The following AMOTL1 variants were observed in gnomAD, a reference collection of about 807,000 sequenced individuals.
AMOTL1 encodes the protein angiomotin-like protein 1.
AMOTL1 carries 45 observed loss-of-function variants against 102.9 expected under a neutral mutation model. The observed-to-expected ratio is 0.44, with a 90% CI of 0.34 to 0.56. AMOTL1 has a LOEUF of 0.56. Among genes scored for constraint, AMOTL1 ranks in the 20% least tolerant of loss-of-function variants. The pLI is 0.01. For missense variants in AMOTL1, 1,114 were observed against 1,225.6 expected, an observed-to-expected ratio of 0.91 and a Z score of 1.36; for synonymous variants, 481 against 484.7, an observed-to-expected ratio of 0.99 and a Z score of 0.10.
chr11:94,852,262 C>T (rs900184907), intron 7 of AMOTL1, among the ~76,000 whole-genome samples: 3 of 152,220 alleles, frequency 2.0e-5, no homozygotes, highest in Non-Finnish European at 2.9e-5. Context: ...AAGTTGCTCT[C>T]TCCTCCTTGA....
intron 4 of AMOTL1, among the ~76,000 whole-genome samples, chr11:94,829,050 G>T (rs1312310674): frequency 6.6e-6 from 1 of 152,130 alleles, no homozygotes; most frequent in East Asian, 1.9e-4. Flanking sequence ...TGTTAGAATA[G>T]AGCTATTTGT....
intron 1 of AMOTL1, among the ~76,000 whole-genome samples, chr11:94,721,021 A>G (rs1950167352): frequency 6.6e-6 from 1 of 152,136 alleles, no homozygotes; most frequent in African/African-American, 2.4e-5. Flanking sequence ...GCTAAGGGGA[A>G]ACCTGTTGAG....
At chr11:94,779,386 A>C (rs1240143982) in intron 1 of AMOTL1, among the ~76,000 whole-genome samples, 1 of 152,178 alleles carries the variant, frequency 6.6e-6, no homozygotes, top group Non-Finnish European at 1.5e-5. Context: ...GTGTTGTTTG[A>C]ATCAGGAGTG....
chr11:94,709,213 C>T (rs1346492100), intron 1 of AMOTL1, among the ~76,000 whole-genome samples: 1 of 152,106 alleles, frequency 6.6e-6, no homozygotes, highest in Non-Finnish European at 1.5e-5. Flanking sequence ...ACTTGGTTGA[C>T]CAATAGAAAG....
chr11:94,870,923 CAT>C lies in AMOTL1; in HGVS notation c.*130_*131del. 1 of 653,394 alleles carries C rather than the reference CAT, an allele frequency of 1.5e-6. No homozygotes were observed. Among genetic ancestry groups the C allele is most frequent in the Admixed American group, 3.1e-5 (1 of 32,196 alleles). 40.5% of individuals were successfully genotyped at this position (653,394 alleles called of 1,614,324 possible). A position where few individuals can be genotyped will look rare whatever the true frequency, so the allele number is the denominator to read the frequency against. ...TTTGAACTGATAAAGATTTCAGACT[CAT>C]AAGAACACATTTTATAAATGTTAAA... On this transcript the variant is annotated 3_prime_UTR_variant, in exon 13 of 13. Transcript: ENST00000433060.
chr11:94,750,477 C>A (rs1414770336), intron 3 of AMOTL1, among the ~76,000 whole-genome samples: 2 of 152,202 alleles, frequency 1.3e-5, no homozygotes, highest in African/African-American at 4.8e-5. Context: ...CTCCTGTGCA[C>A]TCTCTGAGTG....
chr11:94,747,687 C>T (rs1015896527), intron 3 of AMOTL1, among the ~76,000 whole-genome samples: 3 of 152,202 alleles, frequency 2.0e-5, no homozygotes, highest in East Asian at 1.9e-4. Flanking sequence ...GACTGCGTTT[C>T]GTGCTTGTGC....
intron 9 of AMOTL1, among the ~76,000 whole-genome samples, chr11:94,860,779 T>C (rs986196190): frequency 4.6e-5 from 7 of 152,242 alleles, no homozygotes. Context: ...GCTATGGTAC[T>C]ATTTGGATGA....
Position 94,831,441 on chromosome 11 carries a change from T to G in AMOTL1, c.1559-11T>G. ...TACATTTCTTTGTAATCATTTCCTC[T>G]TTGTTCATAGATCGACTAGAGACTG... On this transcript the variant is annotated splice_polypyrimidine_tract_variant and intron_variant, in intron 5 of 12. Coordinates refer to ENST00000433060, the MANE Select transcript of AMOTL1 (RefSeq NM_130847.3). 1 of 1,604,316 alleles carries G rather than the reference T, an allele frequency of 6.2e-7. No individual in the cohort carries two copies. The highest frequency in any genetic ancestry group is 2.2e-5 in the East Asian group (1 of 44,830).
chr11:94,753,732 A>G (rs1950686399), intron 3 of AMOTL1, among the ~76,000 whole-genome samples: 1 of 152,196 alleles, frequency 6.6e-6, no homozygotes, highest in Non-Finnish European at 1.5e-5. Context: ...AGTCACTAGA[A>G]CCCAAACTCC....
chr11:94,838,239 C>T (rs1438945135), intron 6 of AMOTL1, among the ~76,000 whole-genome samples: 1 of 152,178 alleles, frequency 6.6e-6, no homozygotes, highest in African/African-American at 2.4e-5. Flanking sequence ...ATTGGAGTCC[C>T]AACTCATTGT....
intron 3 of AMOTL1, among the ~76,000 whole-genome samples, chr11:94,807,251 A>G (rs1344186690): frequency 6.6e-6 from 1 of 152,206 alleles, no homozygotes. Flanking sequence ...CTAGAAAATT[A>G]TAAGAAAATA....
At chr11:94,848,817 C>G (rs1044740501) in intron 6 of AMOTL1, among the ~76,000 whole-genome samples, 2 of 152,138 alleles carry the variant, frequency 1.3e-5, no homozygotes, top group Non-Finnish European at 2.9e-5. Context: ...ATTTTTCTGC[C>G]CTGTTAGTGT....
chr11:94,823,805 T>A (rs1048831963), intron 4 of AMOTL1, among the ~76,000 whole-genome samples: 1 of 151,898 alleles, frequency 6.6e-6, no homozygotes, highest in African/African-American at 2.4e-5. Context: ...AATCTCCGCT[T>A]CCCAGGTTCA....
intron 3 of AMOTL1, among the ~76,000 whole-genome samples, chr11:94,742,349 C>A (rs566393829): frequency 6.6e-6 from 1 of 152,360 alleles, no homozygotes; most frequent in African/African-American, 2.4e-5. Flanking sequence ...CATTGACACT[C>A]CACAGTGCGA....
At chr11:94,789,571 T>A (rs1951249461) in intron 1 of AMOTL1, among the ~76,000 whole-genome samples, 1 of 152,200 alleles carries the variant, frequency 6.6e-6, no homozygotes, top group Admixed American at 6.5e-5. Flanking sequence ...GCTGGCTTGG[T>A]TTCACATGAG....
At chr11:94,824,392 T>G (rs1033167602) in intron 4 of AMOTL1, among the ~76,000 whole-genome samples, 1 of 152,226 alleles carries the variant, frequency 6.6e-6, no homozygotes, top group African/African-American at 2.4e-5. Flanking sequence ...TCCAAGAACC[T>G]GTCAGTGACG....
Position 94,823,779 on chromosome 11 carries a change from G to A in AMOTL1, c.1413+1958G>A, listed in dbSNP as rs186996793. Among the ~76,000 whole-genome samples the A allele has an allele frequency of 4.2e-3, 637 of 150,888 alleles. 12 individuals carry two copies. Among genetic ancestry groups the A allele is most frequent in the South Asian group, 0.035 (166 of 4,768 alleles). ...TTGCCAGGTTGGAGTGCAGTGGCGC[G>A]ATCTCGGCTCACTGCAATCTCCGCT... is the stretch of plus-strand genomic sequence containing the variant. On this transcript the variant is annotated intron_variant, in intron 4 of 12. Transcript: ENST00000433060.
At chr11:94,806,866 G>A (rs1951576634) in intron 3 of AMOTL1, among the ~76,000 whole-genome samples, 1 of 152,100 alleles carries the variant, frequency 6.6e-6, no homozygotes, top group Admixed American at 6.6e-5. Context: ...GAGATTTAAG[G>A]TGTCTACATG....
Sources: allele counts gnomAD v4.1 joint callset (sites outside exome capture counted in the v4.1 genomes callset), GRCh38; gene constraint gnomAD v4.1.1; transcripts MANE v1.5; gene names NCBI Gene and HGNC (gene_info 2026-07-23, HGNC 2026-07-21).